The following TMEFF1 variants were observed in gnomAD, a reference collection of about 807,000 sequenced individuals.
TMEFF1 encodes the protein transmembrane protein with EGF like and two follistatin like domains 1.
TMEFF1 carries 20 observed loss-of-function variants against 47.5 expected under a neutral mutation model. The ratio of observed to expected loss-of-function variants is 0.42; its 90% CI spans 0.30 to 0.61. The LOEUF (loss-of-function observed/expected upper bound fraction) is 0.61. TMEFF1 is among the 20% of genes least tolerant of loss of function. TMEFF1 has a pLI of 0.19. For synonymous variants in TMEFF1, 162 were observed against 166.3 expected, an observed-to-expected ratio of 0.97 and a Z score of 0.20; for missense variants, 411 against 471.1, an observed-to-expected ratio of 0.87 and a Z score of 1.18.
intron 5 of TMEFF1, among the ~76,000 whole-genome samples, chr9:100,532,540 A>G (rs910280730): frequency 3.9e-5 from 6 of 152,160 alleles, no homozygotes; most frequent in African/African-American, 1.4e-4. Context: ...ACAATGAGAT[A>G]CCATCTCACA....
intron 8 of TMEFF1, among the ~76,000 whole-genome samples, chr9:100,565,458 T>C (rs1315060352): frequency 6.6e-6 from 1 of 152,202 alleles, no homozygotes; most frequent in Admixed American, 6.5e-5. Flanking sequence ...TGATCATGGC[T>C]GTCGGTGAAA....
intron 1 of TMEFF1, among the ~76,000 whole-genome samples, chr9:100,490,695 T>C (rs538686327): frequency 1.3e-5 from 1 of 75,188 alleles, no homozygotes; most frequent in East Asian, 3.2e-4. Context: ...TGAAATCACA[T>C]TGAGGTTTTT....
At chr9:100,539,288 G>A (rs762710193) in intron 5 of TMEFF1, among the ~76,000 whole-genome samples, 28 of 152,192 alleles carry the variant, frequency 1.8e-4, no homozygotes, top group Non-Finnish European at 3.2e-4. Context: ...CAGAATGCCT[G>A]TTTTCCAAAG....
chr9:100,538,927 C>CA (rs1194390415), intron 5 of TMEFF1, among the ~76,000 whole-genome samples: 2 of 151,002 alleles, frequency 1.3e-5, no homozygotes, highest in African/African-American at 4.9e-5. Flanking sequence ...TTTTTTTAGA[C>CA]AGAGTTTTGC....
chr9:100,490,456 C>T (rs1308926259), intron 1 of TMEFF1, among the ~76,000 whole-genome samples: 1 of 152,050 alleles, frequency 6.6e-6, no homozygotes, highest in East Asian at 1.9e-4. Context: ...AGAGGTGCCC[C>T]TCAGATTGGT....
chr9:100,519,050 T>C (rs1838117474), intron 5 of TMEFF1, among the ~76,000 whole-genome samples: 1 of 152,200 alleles, frequency 6.6e-6, no homozygotes, highest in Non-Finnish European at 1.5e-5. Flanking sequence ...TCAGTTTAAT[T>C]CAAGTAGTTC....
intron 5 of TMEFF1, 111 bp downstream of exon 5, chr9:100,516,882 A>T (rs946532218): frequency 6.4e-5 from 78 of 1,213,648 alleles, no homozygotes; most frequent in African/African-American, 3.6e-4. Flanking sequence ...GTGTTTTCAA[A>T]TTTTTTTTTT....
At chr9:100,519,956 A>G (rs1029950553) in intron 5 of TMEFF1, among the ~76,000 whole-genome samples, 3 of 152,162 alleles carry the variant, frequency 2.0e-5, no homozygotes, top group Non-Finnish European at 4.4e-5. Context: ...TCTGTGGAAT[A>G]GTACTTACCT....
chr9:100,513,475 G>T (rs1838006394), intron 4 of TMEFF1, 142 bp downstream of exon 4: 1 of 1,056,726 alleles, frequency 9.5e-7, no homozygotes, highest in Non-Finnish European at 1.3e-6. Context: ...CAAATTCAGT[G>T]ACTTTTAGTA....
intron 6 of TMEFF1, among the ~76,000 whole-genome samples, chr9:100,548,784 G>C (rs1261809725): frequency 1.3e-5 from 2 of 152,178 alleles, no homozygotes; most frequent in Non-Finnish European, 2.9e-5. Context: ...AGTACCTCTG[G>C]TCTAAACTAC....
intron 5 of TMEFF1, among the ~76,000 whole-genome samples, chr9:100,534,765 T>C (rs1838471350): frequency 6.6e-6 from 1 of 152,234 alleles, no homozygotes; most frequent in East Asian, 1.9e-4. Flanking sequence ...CATTTCCTGG[T>C]TGGGCTGCAA....
At chr9:100,479,899 T>G (rs1422811203) in intron 1 of TMEFF1, among the ~76,000 whole-genome samples, 2 of 152,202 alleles carry the variant, frequency 1.3e-5, no homozygotes, top group Non-Finnish European at 2.9e-5. Flanking sequence ...TGGAATTGCT[T>G]GGTCATATGG....
At chr9:100,487,861 G>A (rs1437654861) in intron 1 of TMEFF1, among the ~76,000 whole-genome samples, 3 of 151,632 alleles carry the variant, frequency 2.0e-5, no homozygotes, top group South Asian at 2.1e-4. Context: ...CAAATAATTG[G>A]AACCCCAAGT....
intron 5 of TMEFF1, among the ~76,000 whole-genome samples, chr9:100,530,419 A>G (rs902884274): frequency 6.6e-6 from 1 of 152,218 alleles, no homozygotes; most frequent in African/African-American, 2.4e-5. Flanking sequence ...CACCGATCCC[A>G]CAGAAATATA....
chr9:100,558,249 C>A lies in TMEFF1; in HGVS notation c.776-3148C>A, dbSNP rs140271182. ...AGTACATTACCACAGCCTCTACAGA[C>A]CTGCACCGTCCTATTACTAGGACTC... On this transcript the variant is annotated intron_variant, in intron 7 of 9. Coordinates refer to ENST00000374879, the MANE Select transcript of TMEFF1 (RefSeq NM_003692.5). Among the ~76,000 whole-genome samples the A allele has an allele frequency of 1.2e-3, 176 of 152,166 alleles. 3 individuals carry two copies. The East Asian group carries it at 0.018, about 16-fold the overall frequency.
chr9:100,565,402 C>G (rs1304947245), intron 8 of TMEFF1, among the ~76,000 whole-genome samples: 1 of 152,158 alleles, frequency 6.6e-6, no homozygotes, highest in East Asian at 1.9e-4. Context: ...AACTGTAGTC[C>G]TGGTTCCTCC....
At chr9:100,564,364 C>T (rs1341040716) in intron 8 of TMEFF1, among the ~76,000 whole-genome samples, 5 of 152,186 alleles carry the variant, frequency 3.3e-5, no homozygotes, top group Admixed American at 6.5e-5. Flanking sequence ...CATGAGCCAC[C>T]GCACCTGGCC....
chr9:100,486,451 A>G (rs945250704), intron 1 of TMEFF1, among the ~76,000 whole-genome samples: 1 of 152,052 alleles, frequency 6.6e-6, no homozygotes, highest in African/African-American at 2.4e-5. Context: ...CATATTGGCC[A>G]GGCTGGTCTT....
At position 100,528,957 on chromosome 9, in the gene TMEFF1, AT is replaced by A. The variant is rs1184031770; in HGVS notation, c.560+12190del. On this transcript the variant is annotated intron_variant, in intron 5 of 9. Transcript: ENST00000374879. Reference sequence around the variant, plus strand: ...ATATTCAACATTCTTAAAGAAAAGAATTTTCAACCCAGAATTTCATATCCAG... The same window carrying A: ...ATATTCAACATTCTTAAAGAAAAGAATTTCAACCCAGAATTTCATATCCAG... Among the ~76,000 whole-genome samples the A allele has an allele frequency of 1.3e-4, 19 of 146,230 alleles. No homozygotes were observed. In the South Asian group the frequency reaches 2.5e-3, roughly 19 times the overall value.
Sources: gnomAD v4.1 joint callset for allele counts (sites outside exome capture counted in the v4.1 genomes callset) on GRCh38, gnomAD v4.1.1 for gene constraint, MANE v1.5 for transcripts, NCBI Gene and HGNC (gene_info 2026-07-23, HGNC 2026-07-21) for gene names.